PHF24: variants seen among roughly 807,000 people sequenced by gnomAD.
PHF24 encodes Galpha inhibitory interacting protein.
PHF24 carries 25 observed loss-of-function variants against 42.6 expected under a neutral mutation model. The ratio of observed to expected loss-of-function variants is 0.59; its 90% CI spans 0.43 to 0.82. The LOEUF (loss-of-function observed/expected upper bound fraction) is 0.82, where lower values mean the gene tolerates loss of function less well. PHF24 is among the 40% of genes least tolerant of loss of function. PHF24 has a pLI of 0.00. For missense variants in PHF24, 470 were observed against 538.1 expected (o/e 0.87, Z 1.25); for synonymous variants, 185 against 204.8 (o/e 0.90, Z 0.83).
the PHF24 span, among the ~76,000 whole-genome samples, chr9:34,764,923 G>C: frequency 6.6e-6 from 1 of 151,506 alleles, no homozygotes; most frequent in African/African-American, 2.4e-5. Context: ...TGGTTTCAAA[G>C]AACATCTTTA....
At chr9:34,897,928 G>T in the PHF24 span, among the ~76,000 whole-genome samples, 1 of 152,148 alleles carries the variant, frequency 6.6e-6, no homozygotes, top group African/African-American at 2.4e-5. Flanking sequence ...TATGATGTTT[G>T]GTTTTCCGTT....
At chr9:34,966,028 A>G (rs1009494694) in intron 1 of PHF24, among the ~76,000 whole-genome samples, 4 of 152,198 alleles carry the variant, frequency 2.6e-5, no homozygotes, top group Admixed American at 2.6e-4. Flanking sequence ...GCCTCCAACT[A>G]TTTGGAGAGT....
At chr9:34,734,590 G>A in the PHF24 span, among the ~76,000 whole-genome samples, 99 of 152,276 alleles carry the variant, frequency 6.5e-4, no homozygotes, top group Non-Finnish European at 9.9e-4. Context: ...CATAAATCAC[G>A]TATAGGTGAA....
chr9:34,714,840 T>A, the PHF24 span, among the ~76,000 whole-genome samples: 2 of 152,156 alleles, frequency 1.3e-5, no homozygotes, highest in African/African-American at 4.8e-5. Context: ...TTGCTTTCTC[T>A]CCAAGATACC....
the PHF24 span, among the ~76,000 whole-genome samples, chr9:34,867,046 C>T: frequency 6.6e-6 from 1 of 152,214 alleles, no homozygotes; most frequent in Non-Finnish European, 1.5e-5. Context: ...GCTCGAAAAT[C>T]TCAATATACA....
At chr9:34,942,577 C>T in the PHF24 span, among the ~76,000 whole-genome samples, 3,221 of 152,108 alleles carry the variant, frequency 0.021, 48 homozygotes, top group African/African-American at 0.028. Flanking sequence ...ATTAACATAA[C>T]CCTGAGGGCA....
chr9:34,941,289 A>G, the PHF24 span, among the ~76,000 whole-genome samples: 2 of 152,142 alleles, frequency 1.3e-5, no homozygotes, highest in African/African-American at 4.8e-5. Flanking sequence ...ATTTTCTGAG[A>G]CCATCTGCCC....
At chr9:34,687,818 C>T in the PHF24 span, among the ~76,000 whole-genome samples, 8 of 152,166 alleles carry the variant, frequency 5.3e-5, no homozygotes, top group South Asian at 2.1e-4. Flanking sequence ...ATGCGGGGCA[C>T]GGGGTCCACA....
the PHF24 span, among the ~76,000 whole-genome samples, chr9:34,898,422 T>G: frequency 1.3e-5 from 2 of 152,206 alleles, no homozygotes; most frequent in Non-Finnish European, 2.9e-5. Context: ...AGTGAACGTT[T>G]TTCTTAAATG....
At chr9:34,908,832 C>T in the PHF24 span, among the ~76,000 whole-genome samples, 3 of 141,720 alleles carry the variant, frequency 2.1e-5, no homozygotes, top group Non-Finnish European at 4.6e-5. Context: ...TTTTTCTTTT[C>T]TTTTCTTTTC....
At chr9:34,777,712 A>C in the PHF24 span, among the ~76,000 whole-genome samples, 1 of 152,182 alleles carries the variant, frequency 6.6e-6, no homozygotes, top group Admixed American at 6.5e-5. Context: ...CTGGTGCCTA[A>C]TTCCTGGGGA....
chr9:34,928,267 T>C, the PHF24 span, among the ~76,000 whole-genome samples: 548 of 149,010 alleles, frequency 3.7e-3, 1 homozygote, highest in South Asian at 0.027. Context: ...AGGATGACTA[T>C]AGCCAATAAT....
the PHF24 span, among the ~76,000 whole-genome samples, chr9:34,851,042 G>A: frequency 6.6e-6 from 1 of 152,166 alleles, no homozygotes; most frequent in Non-Finnish European, 1.5e-5. Context: ...CTGCTCGGGG[G>A]TCAGGGGTCA....
the PHF24 span, among the ~76,000 whole-genome samples, chr9:34,762,081 T>G: frequency 6.6e-6 from 1 of 152,240 alleles, no homozygotes; most frequent in South Asian, 2.1e-4. Flanking sequence ...CACATTTTCT[T>G]AATCCAGTCT....
chr9:34,778,685 A>G, the PHF24 span, among the ~76,000 whole-genome samples: 1 of 152,216 alleles, frequency 6.6e-6, no homozygotes, highest in Non-Finnish European at 1.5e-5. Context: ...GACATCACCT[A>G]CTTTGAATAA....
the PHF24 span, among the ~76,000 whole-genome samples, chr9:34,898,432 G>A: frequency 6.6e-6 from 1 of 152,072 alleles, no homozygotes; most frequent in African/African-American, 2.4e-5. Flanking sequence ...TTTCTTAAAT[G>A]TCCTTCTTAT....
exon 8 of PHF24, chr9:34,978,279 A>G (rs1827277048): frequency 1.7e-6 from 1 of 601,220 alleles, no homozygotes; most frequent in Admixed American, 2.9e-5. Flanking sequence ...CCCTCACAAT[A>G]GAGGCAGTGA....
At chr9:34,912,629 A>C in the PHF24 span, among the ~76,000 whole-genome samples, 1 of 152,222 alleles carries the variant, frequency 6.6e-6, no homozygotes, top group Non-Finnish European at 1.5e-5. Context: ...CCCAAACAGC[A>C]TAGCAAATAC....
the PHF24 span, among the ~76,000 whole-genome samples, chr9:34,933,116 C>G: frequency 6.6e-6 from 1 of 151,964 alleles, no homozygotes; most frequent in Admixed American, 6.6e-5. Flanking sequence ...TGCCACCACG[C>G]CCTGCTAACG....
Sources: allele counts gnomAD v4.1 joint callset (sites outside exome capture counted in the v4.1 genomes callset), GRCh38; gene constraint gnomAD v4.1.1; transcripts MANE v1.5; gene names NCBI Gene and HGNC (gene_info 2026-07-23, HGNC 2026-07-21).